Variants in WSCD2 observed in about 807,000 individuals in gnomAD.
WSCD2 encodes sialate:O-sulfotransferase 2.
In WSCD2, 28 loss-of-function variants were observed where a neutral mutation model predicts 55.7. The observed-to-expected ratio is 0.50, with a 90% CI of 0.37 to 0.69. The LOEUF (loss-of-function observed/expected upper bound fraction) is 0.69. Among genes scored for constraint, WSCD2 ranks in the 30% least tolerant of loss-of-function variants. The pLI is 0.00. For synonymous variants in WSCD2, 301 were observed against 301.9 expected, an observed-to-expected ratio of 1.00 and a Z score of 0.03; for missense variants, 616 against 762.1, an observed-to-expected ratio of 0.81 and a Z score of 2.26.
intron 1 of WSCD2, among the ~76,000 whole-genome samples, chr12:108,148,218 T>G (rs935421358): frequency 2.0e-5 from 3 of 152,244 alleles, no homozygotes; most frequent in Non-Finnish European, 4.4e-5. Flanking sequence ...GCATGATTTC[T>G]GTGACAACCA....
chr12:108,131,792 G>T (rs1362635351), intron 1 of WSCD2: 1 of 152,266 alleles, frequency 6.6e-6, no homozygotes, highest in Non-Finnish European at 1.5e-5. Flanking sequence ...TCCTAGTGGG[G>T]AGCCCAGGGT....
intron 1 of WSCD2, among the ~76,000 whole-genome samples, chr12:108,136,190 G>A (rs1876194661): frequency 6.6e-6 from 1 of 152,180 alleles, no homozygotes; most frequent in Non-Finnish European, 1.5e-5. Context: ...GAGAGATGGA[G>A]ACCCAGAAAG....
chr12:108,210,795 G>A lies in WSCD2; in HGVS notation c.682+490G>A, dbSNP rs149299321. 1.3e-5 allele frequency among the ~76,000 whole-genome samples: 2 copies of A among 152,318 alleles called. No individual in the cohort carries two copies. Among genetic ancestry groups the A allele is most frequent in the African/African-American group, 4.8e-5 (2 of 41,580 alleles). On this transcript the variant is annotated intron_variant, in intron 4 of 8. Transcript: ENST00000547525. This position sits in a 1 kb window ranked among gnomAD's most constrained non-coding sequence, Gnocchi z 4.3. ...ACAGATGAGGAAACTGAGTCTCAAT[G>A]TCATAAAGCTTGTAAGCAGCAGAGA...
chr12:108,242,219 T>C (rs543701062), intron 8 of WSCD2, among the ~76,000 whole-genome samples: 1 of 152,368 alleles, frequency 6.6e-6, no homozygotes, highest in South Asian at 2.1e-4. Context: ...CCCTTGGGCC[T>C]GCCCCTCAGG....
chr12:108,179,074 G>A (rs969225808), intron 1 of WSCD2, among the ~76,000 whole-genome samples: 4 of 152,192 alleles, frequency 2.6e-5, no homozygotes, highest in Non-Finnish European at 5.9e-5. Flanking sequence ...CCTCACTGAG[G>A]ATCAAACTCT....
intron 1 of WSCD2, among the ~76,000 whole-genome samples, chr12:108,133,506 A>G (rs1287685508): frequency 6.6e-6 from 1 of 152,132 alleles, no homozygotes; most frequent in Middle Eastern, 3.2e-3. Flanking sequence ...CTAGGGGTAT[A>G]AACAAGTGTG....
In WSCD2 at chr12:108,249,002, T is replaced by G; in HGVS notation, c.*659T>G. 1 of 806,830 alleles carries G rather than the reference T, an allele frequency of 1.2e-6. No homozygotes were observed. The highest frequency in any genetic ancestry group is 1.5e-6 in the Non-Finnish European group (1 of 666,600). The allele number at this position is 806,830 out of a possible 1,614,324, so 50.0% of individuals were successfully genotyped here. A position where few individuals can be genotyped will look rare whatever the true frequency, so the allele number is the denominator to read the frequency against. On this transcript the variant is annotated 3_prime_UTR_variant, in exon 9 of 9. Coordinates refer to ENST00000547525, the MANE Select transcript of WSCD2 (RefSeq NM_014653.4). ...TATGAGCCCCCCAGGCCACACTGCT[T>G]CTCAGAAATGAGCTGCTTGCCTTTC... is the stretch of plus-strand genomic sequence containing the variant.
intron 8 of WSCD2, among the ~76,000 whole-genome samples, chr12:108,245,896 G>A (rs1472647124): frequency 4.6e-5 from 7 of 152,222 alleles, no homozygotes; most frequent in African/African-American, 1.7e-4. Context: ...CTCCCAAACA[G>A]CTGTGATGTT....
At chr12:108,224,135 C>G (rs544029508) in intron 4 of WSCD2, among the ~76,000 whole-genome samples, 1 of 152,146 alleles carries the variant, frequency 6.6e-6, no homozygotes, top group Non-Finnish European at 1.5e-5. Context: ...TGTAGCTGCA[C>G]GATTTCTGGG....
In WSCD2 at chr12:108,195,863, T is replaced by C. The variant is rs1425227086; in HGVS notation, c.31T>C (p.Tyr11His). 6.2e-7 allele frequency: 1 copy of C among 1,613,420 alleles called. No homozygotes were observed. The highest frequency in any genetic ancestry group is 1.3e-5 in the African/African-American group (1 of 74,908). MAKLWFKFQR[Y>H]FRRKPVRFFT... ...CAAGCTCTGGTTCAAATTCCAGCGGTACTTCCGCCGGAAACCTGTGCGCTT... is the reference window on the plus strand; with the variant it reads ...CAAGCTCTGGTTCAAATTCCAGCGGCACTTCCGCCGGAAACCTGTGCGCTT... Residue 11 changes from tyrosine (Y) to histidine (H), a missense_variant, in exon 2 of 9, where the codon TAC becomes CAC. By Grantham distance (83) the Tyr-to-His change is moderately conservative (BLOSUM62 2). Around this residue, in one of 3 missense-constraint regions of WSCD2, gnomAD observed 374 missense variants for 467.4 expected, o/e 0.80. Transcript: ENST00000547525.
At chr12:108,168,902 G>A (rs1351332123) in intron 1 of WSCD2, among the ~76,000 whole-genome samples, 1 of 152,190 alleles carries the variant, frequency 6.6e-6, no homozygotes, top group Non-Finnish European at 1.5e-5. Context: ...ATGTTCTAGG[G>A]TAGTGGTCCT....
chr12:108,173,810 C>CTCTGTGTGTGTGTGTGTGTGTGTGTGTG (rs376999073), intron 1 of WSCD2, among the ~76,000 whole-genome samples: 3 of 131,144 alleles, frequency 2.3e-5, no homozygotes, highest in African/African-American at 9.2e-5. Flanking sequence ...TCCTGGCTCT[C>CTCTGTGTGTGTGTGTGTGTGTGTGTGTG]TGTGTGTGTG....
intron 1 of WSCD2, among the ~76,000 whole-genome samples, chr12:108,192,723 C>G (rs1883340111): frequency 6.6e-6 from 1 of 152,136 alleles, no homozygotes; most frequent in African/African-American, 2.4e-5. Flanking sequence ...CCTGGGCTAA[C>G]CTTCTGTTGC....
chr12:108,241,490 C>A (rs560108954), intron 8 of WSCD2, among the ~76,000 whole-genome samples: 1 of 152,180 alleles, frequency 6.6e-6, no homozygotes, highest in African/African-American at 2.4e-5. Context: ...CCACCATAAT[C>A]GCCCCATTTG....
rs761477547 is a variant in WSCD2 at position 108,227,091 on chromosome 12, G to A, written c.906G>A (p.Gln302=). The change falls in exon 6 of 9, where the codon CAG becomes CAA. Residue 302 remains glutamine, a synonymous_variant. Coordinates refer to ENST00000547525, the MANE Select transcript of WSCD2 (RefSeq NM_014653.4). ...GAGAGGATGAGCAGCTCTGTGCCCA[G>A]AAGTGCAGCGCGGAGGAGTTTGAGA... The part of the protein sequence containing the change: ...HDREDEQLCA[Q]KCSAEEFESC... 9.3e-6 allele frequency: 15 copies of A among 1,614,224 alleles called. No homozygotes were observed. The highest frequency in any genetic ancestry group is 1.1e-5 in the Non-Finnish European group (13 of 1,180,028).
At chr12:108,151,968 G>C (rs1002513259) in intron 1 of WSCD2, among the ~76,000 whole-genome samples, 7 of 152,200 alleles carry the variant, frequency 4.6e-5, no homozygotes, top group Admixed American at 2.0e-4. Context: ...ACGGGAGAAT[G>C]GCTCTGCGAT....
intron 1 of WSCD2, among the ~76,000 whole-genome samples, chr12:108,169,048 C>T (rs1274392100): frequency 1.3e-5 from 2 of 152,134 alleles, no homozygotes; most frequent in Non-Finnish European, 1.5e-5. Flanking sequence ...GCATTAGATT[C>T]TCATAGGAGC....
chr12:108,248,364 G>A lies in WSCD2; in HGVS notation c.*21G>A. 1 of 1,597,876 alleles carries A rather than the reference G, an allele frequency of 6.3e-7. No homozygotes were observed. Among genetic ancestry groups the A allele is most frequent in the African/African-American group, 1.3e-5 (1 of 74,732 alleles). Reference sequence around the variant, plus strand: ...GATGATGCGTCCACACAGGGGGAGGGTAGACTGGGAGTCCTGACCACGCAG... The same window carrying A: ...GATGATGCGTCCACACAGGGGGAGGATAGACTGGGAGTCCTGACCACGCAG... On this transcript the variant is annotated 3_prime_UTR_variant, in exon 9 of 9. Transcript: ENST00000547525. The surrounding 1 kb of genome is among the most constrained non-coding windows in gnomAD (Gnocchi z 4.3).
intron 1 of WSCD2, among the ~76,000 whole-genome samples, chr12:108,144,823 G>C (rs555415965): frequency 4.7e-4 from 72 of 152,256 alleles, no homozygotes; most frequent in Admixed American, 1.1e-3. Context: ...GCCCTGAGTG[G>C]TGGCTTTCCC....
Sources: gnomAD v4.1 joint callset for allele counts (sites outside exome capture counted in the v4.1 genomes callset) on GRCh38, gnomAD v4.1.1 for gene constraint, gnomAD v4.1.1 regional missense constraint, Gnocchi (gnomAD v3.1) non-coding constraint, MANE v1.5 for transcripts, NCBI Gene and HGNC (gene_info 2026-07-23, HGNC 2026-07-21) for gene names.